The following GTF2E2 variants were observed in gnomAD, a reference collection of about 807,000 sequenced individuals.
GTF2E2 encodes the protein general transcription factor IIE subunit 2.
GTF2E2 carries 21 observed loss-of-function variants against 40.5 expected under a neutral mutation model. The ratio of observed to expected loss-of-function variants is 0.52; its 90% CI spans 0.37 to 0.75. The LOEUF (loss-of-function observed/expected upper bound fraction) is 0.75, where lower values mean the gene tolerates loss of function less well. Ranked by LOEUF, GTF2E2 falls within the 30% of genes least tolerant of loss-of-function variation. The pLI, the probability that GTF2E2 is intolerant of heterozygous loss-of-function variation, is 0.00. For synonymous variants in GTF2E2, 117 were observed against 121.6 expected (o/e 0.96, Z 0.25); for missense variants, 298 against 338.4 (o/e 0.88, Z 0.94).
chr8:30,600,616 TA>T (rs1414933378), intron 6 of GTF2E2, among the ~76,000 whole-genome samples: 1 of 151,870 alleles, frequency 6.6e-6, no homozygotes, highest in Non-Finnish European at 1.5e-5. Context: ...TAATAAAAAA[TA>T]AATTAAAAAA....
At chr8:30,583,663 A>G (rs1275738427) in intron 6 of GTF2E2, among the ~76,000 whole-genome samples, 1 of 152,168 alleles carries the variant, frequency 6.6e-6, no homozygotes, top group South Asian at 2.1e-4. Context: ...TACCAGCCTG[A>G]GCCACTGTGC....
chr8:30,620,116 C>A (rs560152175), intron 3 of GTF2E2, among the ~76,000 whole-genome samples: 1 of 152,070 alleles, frequency 6.6e-6, no homozygotes, highest in African/African-American at 2.4e-5. Context: ...CTGACTTTAG[C>A]CCAGCAAGTC....
At chr8:30,609,735 A>G (rs1405205788) in intron 5 of GTF2E2, among the ~76,000 whole-genome samples, 3 of 152,058 alleles carry the variant, frequency 2.0e-5, no homozygotes, top group Admixed American at 1.3e-4. Flanking sequence ...GTAATCCCCA[A>G]TGTTGGAGGT....
At chr8:30,580,220 GCGGAGCAGGCTAACAGTTCC>G in intron 7 of GTF2E2, 41 bp downstream of exon 7, 4 of 910,416 alleles carry the variant, frequency 4.4e-6, no homozygotes, top group Non-Finnish European at 7.3e-6. Context: ...AGGGCAGAAA[GCGGAGCAGGCTAACAGTTCC>G]CAGGGCAGGG....
chr8:30,612,590 G>A (rs375720908), intron 4 of GTF2E2, 109 bp from the exon 5 acceptor site: 7 of 529,140 alleles, frequency 1.3e-5, no homozygotes, highest in Admixed American at 6.7e-5. Context: ...GCAGTGGCGT[G>A]ATCTCAGCTC....
At chr8:30,608,905 C>T (rs531793382) in intron 5 of GTF2E2, among the ~76,000 whole-genome samples, 4 of 152,302 alleles carry the variant, frequency 2.6e-5, no homozygotes, top group African/African-American at 4.8e-5. Context: ...CCCGCCACCA[C>T]GCCCGGCTAA....
At chr8:30,609,281 G>GAAAAAAAAAAAAAAAAAAAAAAAAA (rs1474127897) in intron 5 of GTF2E2, among the ~76,000 whole-genome samples, 1 of 8,298 alleles carries the variant, frequency 1.2e-4, no homozygotes, top group Non-Finnish European at 2.9e-4. Context: ...AAAAAAAAAA[G>GAAAAAAAAAAAAAAAAAAAAAAAAA]AGAAAGAAAG....
chr8:30,601,056 T>A (rs1419268881), intron 6 of GTF2E2, among the ~76,000 whole-genome samples: 1 of 152,210 alleles, frequency 6.6e-6, no homozygotes, highest in African/African-American at 2.4e-5. Flanking sequence ...CAAAAACTTG[T>A]TTTGTTTTGT....
At chr8:30,642,135 G>C (rs1358756261) in intron 2 of GTF2E2, among the ~76,000 whole-genome samples, 1 of 152,132 alleles carries the variant, frequency 6.6e-6, no homozygotes, top group Non-Finnish European at 1.5e-5. Context: ...AGTTTATTAA[G>C]AAAGCAAAGG....
intron 6 of GTF2E2, among the ~76,000 whole-genome samples, chr8:30,592,082 G>C (rs1828866117): frequency 6.6e-6 from 1 of 152,024 alleles, no homozygotes; most frequent in Non-Finnish European, 1.5e-5. Context: ...GTTACTTAAA[G>C]GTATTTAATT....
At chr8:30,655,719 T>C (rs1431686631) in intron 1 of GTF2E2, among the ~76,000 whole-genome samples, 2 of 152,230 alleles carry the variant, frequency 1.3e-5, no homozygotes, top group African/African-American at 4.8e-5. Context: ...AATATAAGCA[T>C]TGATAAGAAA....
chr8:30,630,791 T>C (rs1269159116), intron 3 of GTF2E2, among the ~76,000 whole-genome samples: 1 of 152,174 alleles, frequency 6.6e-6, no homozygotes, highest in Non-Finnish European at 1.5e-5. Flanking sequence ...CTTCTTGTCT[T>C]TTCCAGTCAC....
chr8:30,607,875 A>G (rs943059761), intron 5 of GTF2E2, among the ~76,000 whole-genome samples: 1 of 152,224 alleles, frequency 6.6e-6, no homozygotes, highest in Non-Finnish European at 1.5e-5. Context: ...CGCTAAAATA[A>G]TAAGAAAATA....
intron 6 of GTF2E2, among the ~76,000 whole-genome samples, chr8:30,605,725 C>A (rs1829300465): frequency 6.6e-6 from 1 of 151,870 alleles, no homozygotes; most frequent in African/African-American, 2.4e-5. Context: ...TGCGGTGGCA[C>A]AATCAGCTCA....
intron 3 of GTF2E2, among the ~76,000 whole-genome samples, chr8:30,619,842 G>GT (rs1801035402): frequency 6.6e-6 from 1 of 152,080 alleles, no homozygotes. Context: ...ACCTGTGGCT[G>GT]TGTTACCTTG....
chr8:30,653,486 T>C lies in GTF2E2; in HGVS notation c.113A>G (p.Lys38Arg), dbSNP rs778170587. Residue 38 changes from lysine to arginine, a missense_variant, in exon 2 of 8, where the codon AAG (lysine) becomes AGG (arginine). Physicochemically the swap from Lys to Arg is conservative, Grantham distance 26. Transcript: ENST00000355904. ...SSESSSSSSK[K>R]KKTKVEHGGS... Reference sequence around the variant, plus strand: ...TCCATGTTCTACCTTTGTTTTCTTCTTCTTTGACGATGATGATGATGACTC... The same window carrying C: ...TCCATGTTCTACCTTTGTTTTCTTCCTCTTTGACGATGATGATGATGACTC... The C allele has an allele frequency of 1.2e-6, 2 of 1,613,960 alleles. No homozygotes were observed. Among genetic ancestry groups the C allele is most frequent in the Non-Finnish European group, 8.5e-7 (1 of 1,179,830 alleles).
chr8:30,624,490 T>C (rs1466187706), intron 3 of GTF2E2, among the ~76,000 whole-genome samples: 1 of 152,172 alleles, frequency 6.6e-6, no homozygotes, highest in African/African-American at 2.4e-5. Context: ...GACTTCACAA[T>C]GCGGGCTCTT....
intron 6 of GTF2E2, among the ~76,000 whole-genome samples, chr8:30,600,737 T>G (rs1829154009): frequency 6.6e-6 from 1 of 152,180 alleles, no homozygotes; most frequent in African/African-American, 2.4e-5. Context: ...CTTTGAAAAA[T>G]AAGTTGCCTG....
intron 3 of GTF2E2, among the ~76,000 whole-genome samples, chr8:30,626,489 A>C (rs1382325182): frequency 1.3e-5 from 2 of 152,222 alleles, no homozygotes; most frequent in Non-Finnish European, 2.9e-5. Context: ...GTCTCAAAAA[A>C]GAAAAAAGAA....
Sources: gnomAD v4.1 joint callset for allele counts (sites outside exome capture counted in the v4.1 genomes callset) on GRCh38, gnomAD v4.1.1 for gene constraint, MANE v1.5 for transcripts, NCBI Gene and HGNC (gene_info 2026-07-23, HGNC 2026-07-21) for gene names.